LEF1: variants seen among roughly 807,000 people sequenced by gnomAD.
LEF1 encodes lymphoid enhancer binding factor 1, also known as lymphoid enhancer-binding factor 1.
LEF1 carries 14 observed loss-of-function variants against 51.2 expected under a neutral mutation model. That is an observed-to-expected ratio of 0.27 (90% CI 0.18 to 0.43). The LOEUF (loss-of-function observed/expected upper bound fraction) is 0.43, where lower values mean the gene tolerates loss of function less well. LEF1 is among the 20% of genes least tolerant of loss of function. The probability of loss-of-function intolerance (pLI) is 1.00; values close to 1 mark genes in which losing one functional copy is unlikely to be tolerated. For synonymous variants in LEF1, 185 were observed against 183.2 expected, an observed-to-expected ratio of 1.01 and a Z score of -0.08; for missense variants, 386 against 512.0, an observed-to-expected ratio of 0.75 and a Z score of 2.37.
chr4:108,077,610 C>T (rs1331736588), intron 8 of LEF1, among the ~76,000 whole-genome samples: 6 of 112,652 alleles, frequency 5.3e-5, no homozygotes, highest in Admixed American at 8.6e-5. Context: ...GCCCGGCTGC[C>T]GCCCCGTCTG....
chr4:108,098,709 G>C (rs1171553178), intron 3 of LEF1, among the ~76,000 whole-genome samples: 1 of 152,064 alleles, frequency 6.6e-6, no homozygotes, highest in Non-Finnish European at 1.5e-5. Flanking sequence ...GGGTGTTTTA[G>C]TAAGTGAAAA....
intron 3 of LEF1, among the ~76,000 whole-genome samples, chr4:108,089,847 A>G (rs1179553166): frequency 6.6e-6 from 1 of 152,176 alleles, no homozygotes; most frequent in Admixed American, 6.5e-5. Flanking sequence ...TTCGAGTTTT[A>G]TAGCTTTGTC....
chr4:108,080,736 A>G, intron 6 of LEF1, among the ~76,000 whole-genome samples: 1 of 151,726 alleles, frequency 6.6e-6, no homozygotes, highest in African/African-American at 2.4e-5. Flanking sequence ...CAACTCACTG[A>G]AAAAAAAAGT....
chr4:108,049,469 G>T (rs1006859494), intron 11 of LEF1, among the ~76,000 whole-genome samples: 1 of 152,150 alleles, frequency 6.6e-6, no homozygotes, highest in East Asian at 1.9e-4. Flanking sequence ...TTTAAAAAGT[G>T]ATTAAAAGTA....
chr4:108,048,983 G>C (rs540006888), intron 11 of LEF1, among the ~76,000 whole-genome samples: 5 of 152,102 alleles, frequency 3.3e-5, no homozygotes, highest in South Asian at 4.1e-4. Flanking sequence ...TATGCCCAGA[G>C]TTATGATGTG....
At chr4:108,140,713 G>A (rs1216531239) in intron 3 of LEF1, among the ~76,000 whole-genome samples, 1 of 152,178 alleles carries the variant, frequency 6.6e-6, no homozygotes, top group African/African-American at 2.4e-5. Context: ...GTGACAAGAA[G>A]CAAGTTAAAA....
intron 7 of LEF1, 196 bp from the exon 8 acceptor site, chr4:108,078,578 CA>C (rs1739075434): frequency 6.3e-6 from 4 of 631,448 alleles, no homozygotes; most frequent in African/African-American, 1.8e-5. Flanking sequence ...ACAACCCATC[CA>C]ATAGGGCTTC....
intron 4 of LEF1, among the ~76,000 whole-genome samples, chr4:108,087,436 A>G (rs1283345094): frequency 1.3e-5 from 2 of 152,168 alleles, no homozygotes; most frequent in Admixed American, 6.5e-5. Context: ...TTTTTAAAAA[A>G]AGTTTGAGAA....
intron 3 of LEF1, among the ~76,000 whole-genome samples, chr4:108,144,827 G>A (rs1743893978): frequency 9.1e-6 from 1 of 110,164 alleles, no homozygotes; most frequent in African/African-American, 3.6e-5. Flanking sequence ...TGAGCAATCT[G>A]CAAGTAATCT....
rs1235598508 is a variant in LEF1, at chr4:108,167,653, C to A, written c.115G>T (p.Ala39Ser). 1 of 1,614,072 alleles carries A rather than the reference C, an allele frequency of 6.2e-7. No individual in the cohort carries two copies. Among genetic ancestry groups the A allele is most frequent in the African/African-American group, 1.3e-5 (1 of 74,930 alleles). ...EGDPQKEKIFAEISHPEEEGD... is the reference protein window; with the variant it reads ...EGDPQKEKIFSEISHPEEEGD... ...TCCTCTTCGGGATGACTGATCTCGG[C>A]GAAGATCTTTTCCTTCTGAGGATCG... Residue 39 changes from alanine to serine, a missense_variant, in exon 1 of 12, where the codon GCC becomes TCC. Physicochemically the swap from Ala to Ser is moderately conservative, Grantham distance 99. Around this residue, in one of 2 missense-constraint regions of LEF1, gnomAD observed 335 missense variants for 390.7 expected, o/e 0.86. Coordinates refer to ENST00000265165, the MANE Select transcript of LEF1 (RefSeq NM_016269.5). This position sits in a 1 kb window ranked among gnomAD's most constrained non-coding sequence, Gnocchi z 5.7.
chr4:108,145,821 G>C (rs1034587713), intron 3 of LEF1, among the ~76,000 whole-genome samples: 1 of 152,198 alleles, frequency 6.6e-6, no homozygotes, highest in African/African-American at 2.4e-5. Flanking sequence ...GTAGTTGCTT[G>C]GGCCTGGGGT....
intron 1 of LEF1, 116 bp from the exon 2 acceptor site, chr4:108,165,279 T>A: frequency 1.1e-6 from 1 of 876,200 alleles, no homozygotes. Context: ...GGGGCAACTC[T>A]GTTTTATACT....
chr4:108,099,552 G>T (rs1210240678), intron 3 of LEF1, among the ~76,000 whole-genome samples: 1 of 42,396 alleles, frequency 2.4e-5, no homozygotes, highest in African/African-American at 5.6e-5. Context: ...ATGTGTGTGT[G>T]TGTATGTGTG....
chr4:108,138,728 C>T (rs1267038280), intron 3 of LEF1, among the ~76,000 whole-genome samples: 3 of 152,206 alleles, frequency 2.0e-5, no homozygotes, highest in Non-Finnish European at 4.4e-5. Flanking sequence ...TTGAAGTTGC[C>T]ACTGCCTATA....
At chr4:108,144,310 A>C (rs1743859828) in intron 3 of LEF1, among the ~76,000 whole-genome samples, 1 of 152,214 alleles carries the variant, frequency 6.6e-6, no homozygotes, top group Admixed American at 6.5e-5. Flanking sequence ...TTATTCCTTC[A>C]GTGAAGAACA....
At chr4:108,093,571 T>C (rs1432567789) in intron 3 of LEF1, among the ~76,000 whole-genome samples, 4 of 152,112 alleles carry the variant, frequency 2.6e-5, no homozygotes, top group Non-Finnish European at 5.9e-5. Flanking sequence ...CTTTACGAGA[T>C]ACCTGGCAGC....
chr4:108,056,986 C>T (rs17038507), intron 11 of LEF1, among the ~76,000 whole-genome samples: 5,778 of 151,906 alleles, frequency 0.038, 361 homozygotes, highest in African/African-American at 0.13. Context: ...CAGGAGGTGC[C>T]GACCTGTGGC....
chr4:108,107,782 C>T (rs1056006955), intron 3 of LEF1, among the ~76,000 whole-genome samples: 3 of 152,024 alleles, frequency 2.0e-5, no homozygotes, highest in Non-Finnish European at 4.4e-5. Flanking sequence ...TCTTCACCCC[C>T]GCCCCCCAAC....
intron 3 of LEF1, among the ~76,000 whole-genome samples, chr4:108,115,907 G>C (rs986830847): frequency 6.7e-6 from 1 of 148,742 alleles, no homozygotes; most frequent in Non-Finnish European, 1.5e-5. Context: ...CAGGCCTGCG[G>C]TCTGAAGGCT....
Sources: allele counts gnomAD v4.1 joint callset (sites outside exome capture counted in the v4.1 genomes callset), GRCh38; gene constraint gnomAD v4.1.1; regional missense constraint gnomAD v4.1.1; non-coding constraint Gnocchi (gnomAD v3.1); transcripts MANE v1.5; gene names NCBI Gene and HGNC (gene_info 2026-07-23, HGNC 2026-07-21).